ZNF157: variants seen among roughly 807,000 people sequenced by gnomAD.
The protein encoded by ZNF157 is zinc finger protein 22.
In ZNF157, 8 loss-of-function variants were observed where a neutral mutation model predicts 9.4. The ratio of observed to expected loss-of-function variants is 0.85; its 90% confidence interval spans 0.50 to 1.53. The LOEUF (loss-of-function observed/expected upper bound fraction) is 1.53. ZNF157 is among the 40% of genes most tolerant of loss of function. ZNF157 has a pLI of 0.00. For synonymous variants in ZNF157, 120 were observed against 130.8 expected (o/e 0.92, Z 0.56); for missense variants, 316 against 385.2 (o/e 0.82, Z 1.50).
intron 1 of ZNF157, among the ~76,000 whole-genome samples, chrX:47,399,828 C>T (rs1213980837): frequency 9.0e-6 from 1 of 110,767 alleles, no homozygotes; most frequent in Middle Eastern, 4.2e-3. Flanking sequence ...TACAGGCATA[C>T]ACCATCATGC....
intron 1 of ZNF157, among the ~76,000 whole-genome samples, chrX:47,388,172 G>A (rs967256179): frequency 1.9e-4 from 21 of 109,265 alleles, no homozygotes; most frequent in African/African-American, 6.6e-4. Context: ...TTGCAGCCTC[G>A]AACTACTGCA....
At chrX:47,383,363 C>T (rs1337673687) in intron 1 of ZNF157, among the ~76,000 whole-genome samples, 6 of 58,324 alleles carry the variant, frequency 1.0e-4, no homozygotes, top group Admixed American at 2.8e-4. Flanking sequence ...CAGAGAGGGA[C>T]TCAGTCTCAA....
rs1440793170 is a variant in ZNF157, at chrX:47,414,410, T to C, written c.*816T>C. 8.9e-6 allele frequency: 1 copy of C among 112,162 alleles called. No individual in the cohort carries two copies. The highest frequency in any genetic ancestry group is 1.9e-5 in the Non-Finnish European group (1 of 53,305). The allele number at this position is 112,162 out of a possible 1,213,427, so 9.2% of individuals were successfully genotyped here. A position where few individuals can be genotyped will look rare whatever the true frequency, so the allele number is the denominator to read the frequency against. ...TTCAACATTTAGAATTTTAATCTCC[T>C]GTGAGATTTTTTTGTTATAGCATGA... On this transcript the variant is annotated 3_prime_UTR_variant, in exon 4 of 4. Transcript: ENST00000377073.
chrX:47,371,568 A>T (rs1386539808), intron 1 of ZNF157, among the ~76,000 whole-genome samples: 1 of 111,847 alleles, frequency 8.9e-6, no homozygotes, highest in East Asian at 2.8e-4. Flanking sequence ...GTCATTCAGC[A>T]AAATTCTGTG....
intron 1 of ZNF157, among the ~76,000 whole-genome samples, chrX:47,384,722 C>G (rs758894601): frequency 1.8e-5 from 2 of 112,461 alleles, no homozygotes; most frequent in African/African-American, 3.2e-5. Context: ...TAGTGGTAAC[C>G]TGGGACTTTG....
chrX:47,404,807 T>A (rs933473438), intron 1 of ZNF157, among the ~76,000 whole-genome samples: 8 of 110,304 alleles, frequency 7.3e-5, no homozygotes, highest in Non-Finnish European at 1.3e-4. Flanking sequence ...TTTTTTTAAA[T>A]TTTTTTTTGA....
At chrX:47,376,601 A>T (rs2055845658) in intron 1 of ZNF157, among the ~76,000 whole-genome samples, 1 of 111,149 alleles carries the variant, frequency 9.0e-6, no homozygotes. Context: ...GGGCAACAAG[A>T]GTGAAACTCC....
At chrX:47,403,017 T>C (rs1274542291) in intron 1 of ZNF157, among the ~76,000 whole-genome samples, 1 of 106,215 alleles carries the variant, frequency 9.4e-6, no homozygotes, top group Non-Finnish European at 1.9e-5. Context: ...TCCTAGCACT[T>C]TGGGAGGCCG....
At chrX:47,386,329 C>T (rs2055879292) in intron 1 of ZNF157, among the ~76,000 whole-genome samples, 1 of 111,033 alleles carries the variant, frequency 9.0e-6, no homozygotes, top group Non-Finnish European at 1.9e-5. Context: ...TGCCCTTTCA[C>T]AACCACACCT....
chrX:47,411,851 G>T (rs1309524014), intron 3 of ZNF157, among the ~76,000 whole-genome samples: 1 of 111,937 alleles, frequency 8.9e-6, no homozygotes, highest in African/African-American at 3.2e-5. Context: ...TTACAATATA[G>T]TGGGGGAAAG....
chrX:47,406,431 T>C (rs2055947463), intron 1 of ZNF157, among the ~76,000 whole-genome samples: 1 of 110,702 alleles, frequency 9.0e-6, no homozygotes, highest in Non-Finnish European at 1.9e-5. Context: ...TGGAGTGCAG[T>C]GGCGAGATCT....
chrX:47,406,360 T>TTCTC (rs200438396), intron 1 of ZNF157, among the ~76,000 whole-genome samples: 44 of 109,220 alleles, frequency 4.0e-4, no homozygotes, highest in Non-Finnish European at 7.3e-4. Context: ...CTGTATTTCT[T>TTCTC]TCTCTCTCTC....
chrX:47,397,287 G>T (rs200039562), intron 1 of ZNF157, among the ~76,000 whole-genome samples: 6 of 97,378 alleles, frequency 6.2e-5, no homozygotes, highest in African/African-American at 1.9e-4. Flanking sequence ...CTGTTGCCCA[G>T]GCTGGAGTGC....
At chrX:47,395,260 G>T (rs2055909877) in intron 1 of ZNF157, among the ~76,000 whole-genome samples, 1 of 111,882 alleles carries the variant, frequency 8.9e-6, no homozygotes. Flanking sequence ...ATGTTGCCCA[G>T]GCTGGTTTTG....
intron 1 of ZNF157, among the ~76,000 whole-genome samples, chrX:47,385,111 T>C (rs746269614): frequency 3.1e-4 from 35 of 111,805 alleles, no homozygotes; most frequent in South Asian, 7.4e-4. Flanking sequence ...TGTTTGGATG[T>C]CCCAATGGCG....
chrX:47,372,790 G>A (rs1440698336), intron 1 of ZNF157, among the ~76,000 whole-genome samples: 3 of 110,209 alleles, frequency 2.7e-5, no homozygotes, highest in African/African-American at 6.6e-5. Flanking sequence ...CACCATGCCC[G>A]GCCTGAATTT....
rs778497092 is a variant in ZNF157 at position 47,385,878 on chromosome X, G to A, written c.72+15138G>A. On this transcript the variant is annotated intron_variant, in intron 1 of 3. Transcript: ENST00000377073. ...CCACTGCACCCGGCCATGATTCCAC[G>A]TATGAATTCACCCAAATTTCACAGA... Among the ~76,000 whole-genome samples the A allele has an allele frequency of 6.3e-5, 7 of 110,283 alleles. No homozygotes were observed. In the East Asian group the frequency reaches 1.4e-3, roughly 23 times the overall value.
At position 47,412,641 on chromosome X, in the gene ZNF157, T is replaced by C. The variant is rs1207208373; in HGVS notation, c.568T>C (p.Tyr190His). 8.3e-6 allele frequency: 10 copies of C among 1,211,987 alleles called. No homozygotes were observed. Among genetic ancestry groups the C allele is most frequent in the Non-Finnish European group, 1.0e-5 (9 of 895,563 alleles). ...GAGAATACACACAGGAGAGAGACCCTATGAATGCGGTGAATGTGCAAAAAC... is the reference window on the plus strand; with the variant it reads ...GAGAATACACACAGGAGAGAGACCCCATGAATGCGGTGAATGTGCAAAAAC... ...HLRIHTGERP[Y>H]ECGECAKTFS... is the part of the protein sequence containing the mutation. Residue 190 changes from tyrosine (Y) to histidine (H), a missense_variant, in exon 4 of 4, where the codon TAT (tyrosine) becomes CAT (histidine). Physicochemically the swap from Tyr to His is moderately conservative, Grantham distance 83. Transcript: ENST00000377073.
intron 1 of ZNF157, among the ~76,000 whole-genome samples, chrX:47,401,608 G>C: frequency 8.9e-6 from 1 of 111,817 alleles, no homozygotes; most frequent in East Asian, 2.8e-4. Flanking sequence ...GGAATGTTAG[G>C]GGTGGATCCT....
Sources: gnomAD v4.1 joint callset for allele counts (sites outside exome capture counted in the v4.1 genomes callset) on GRCh38, gnomAD v4.1.1 for gene constraint, MANE v1.5 for transcripts, NCBI Gene and HGNC (gene_info 2026-07-23, HGNC 2026-07-21) for gene names.